AARS2: variants seen among roughly 807,000 people sequenced by gnomAD.
The protein encoded by AARS2 is alanyl-tRNA synthetase 2, mitochondrial, also known as alanine--tRNA ligase, mitochondrial.
A neutral mutation model predicts 119.7 loss-of-function variants in AARS2; 78 were observed. The observed-to-expected ratio is 0.65, with a 90% CI of 0.54 to 0.79. AARS2 has a LOEUF of 0.79. Ranked by LOEUF, AARS2 falls within the 30% of genes least tolerant of loss-of-function variation. The pLI, the probability that AARS2 is intolerant of heterozygous loss-of-function variation, is 0.00. For synonymous variants in AARS2, 502 were observed against 526.3 expected, an observed-to-expected ratio of 0.95 and a Z score of 0.63; for missense variants, 1,157 against 1,291.3, an observed-to-expected ratio of 0.90 and a Z score of 1.59.
chr6:44,313,243 A>G lies in AARS2; in HGVS notation c.81T>C (p.His27=). 1 of 1,582,556 alleles carries G rather than the reference A, an allele frequency of 6.3e-7. No individual in the cohort carries two copies. Among genetic ancestry groups the G allele is most frequent in the Non-Finnish European group, 8.5e-7 (1 of 1,170,038 alleles). Residue 27 remains histidine (H), a synonymous_variant, in exon 1 of 22, where the codon CAT becomes CAC. Transcript: ENST00000244571. ...CAGGGGGCTCCGATGAGAGCGGCCGATGGCTGAGGCCCCGCCATGCGGGCG... is the reference window on the plus strand; with the variant it reads ...CAGGGGGCTCCGATGAGAGCGGCCGGTGGCTGAGGCCCCGCCATGCGGGCG... ...RRSPAWRGLS[H]RPLSSEPPAA...
At position 44,305,623 on chromosome 6, in the gene AARS2, GA is replaced by G. The variant is rs370007761; in HGVS notation, c.1434+29del. On this transcript the variant is annotated intron_variant, in intron 10 of 21. Coordinates refer to ENST00000244571, the MANE Select transcript of AARS2 (RefSeq NM_020745.4). This position sits in a 1 kb window ranked among gnomAD's most constrained non-coding sequence, Gnocchi z 4.6. ...GGGCTGGGGAAGAGGTGTCCTAACA[GA>G]ACCCAGCATGGGGTGCCACAGCTTG... The G allele has an allele frequency of 3.4e-4, 549 of 1,613,208 alleles. 2 individuals carry two copies. In the African/African-American group the frequency reaches 6.1e-3, roughly 18 times the overall value.
rs1785406215 is a variant in AARS2, at chr6:44,302,087, A to T, written c.2571T>A (p.Thr857=). 1 of 1,614,038 alleles carries T rather than the reference A, an allele frequency of 6.2e-7. No individual in the cohort carries two copies. Among genetic ancestry groups the T allele is most frequent in the Non-Finnish European group, 8.5e-7 (1 of 1,180,010 alleles). ...TVKMLQRRAN[T]AIRKLQMGQA... is the part of the protein sequence containing the mutation. ...GTCCCATTTGCAGCTTACGGATGGC[A>T]GTGTTGGCACGCCGCTGCAGCATCT... Residue 857 remains threonine, a synonymous_variant, in exon 19 of 22, where the codon ACT becomes ACA. Coordinates refer to ENST00000244571, the MANE Select transcript of AARS2 (RefSeq NM_020745.4).
chr6:44,308,290 C>T (rs963166535), intron 5 of AARS2, among the ~76,000 whole-genome samples: 13 of 152,150 alleles, frequency 8.5e-5, no homozygotes, highest in Non-Finnish European at 2.9e-5. Flanking sequence ...GTAATCTCAA[C>T]ACTTTGGGAG....
intron 3 of AARS2, 22 bp downstream of exon 3, chr6:44,311,368 C>G: frequency 6.2e-7 from 1 of 1,614,140 alleles, no homozygotes; most frequent in Non-Finnish European, 8.5e-7. Context: ...CAGGAATGAA[C>G]ATAAGAAGGG....
chr6:44,310,151 G>T, intron 5 of AARS2, 148 bp downstream of exon 5: 1 of 1,099,416 alleles, frequency 9.1e-7, no homozygotes, highest in Non-Finnish European at 1.3e-6. Flanking sequence ...ATGAATCCTA[G>T]TGTCTTGCTT....
chr6:44,306,061 G>A (rs1440362282), intron 9 of AARS2, among the ~76,000 whole-genome samples: 1 of 152,198 alleles, frequency 6.6e-6, no homozygotes, highest in African/African-American at 2.4e-5. Flanking sequence ...TAGGAAAGCA[G>A]GAGGCAGGGC....
At position 44,299,229 on chromosome 6, in the gene AARS2, C is replaced by G. The variant is rs949236495; in HGVS notation, c.*1318G>C. Among the ~76,000 whole-genome samples, 2 of 149,732 alleles carry G rather than the reference C, an allele frequency of 1.3e-5. No homozygotes were observed. The highest frequency in any genetic ancestry group is 1.4e-4 in the Admixed American group (2 of 14,814). ...TGATCCCCATTCTCTATTTCCCCCCCAGACCTCATCACCATCTGACACTTT... is the reference window on the plus strand; with the variant it reads ...TGATCCCCATTCTCTATTTCCCCCCGAGACCTCATCACCATCTGACACTTT... On this transcript the variant is annotated 3_prime_UTR_variant, in exon 22 of 22. Transcript: ENST00000244571.
rs1786236380 is a variant in AARS2, at chr6:44,310,303, T to A, written c.890A>T (p.Gln297Leu). The A allele has an allele frequency of 6.3e-7, 1 of 1,597,588 alleles. No individual in the cohort carries two copies. The highest frequency in any genetic ancestry group is 8.5e-7 in the Non-Finnish European group (1 of 1,171,714). Residue 297 changes from glutamine (Q) to leucine (L), a missense_variant, in exon 5 of 22, where the codon CAG becomes CTG. Coordinates refer to ENST00000244571, the MANE Select transcript of AARS2 (RefSeq NM_020745.4). ...DLFSPLLNAI[Q>L]QGCRAPPYLG... ...TGGAAGGGAAGAGGCACTCACCTGC[T>A]GTATGGCGTTGAGCAGCGGGGAAAA...
Position 44,302,908 on chromosome 6 carries a change from T to TGCCTG in AARS2, c.2256-3_2257dup (p.His753ProfsTer10). 3.1e-6 allele frequency: 5 copies of TGCCTG among 1,613,830 alleles called. No homozygotes were observed. The highest frequency in any genetic ancestry group is 4.2e-6 in the Non-Finnish European group (5 of 1,179,916). ...CCCTACAGCCCCAGTACGTAACAGGTGCCTGTGGGAGGAAGGAGTGAACAG... is the reference window on the plus strand; with the variant it reads ...CCCTACAGCCCCAGTACGTAACAGGTGCCTGGCCTGTGGGAGGAAGGAGTGAACAG... On this transcript the variant is annotated frameshift_variant and splice_region_variant, in exon 17 of 22. Coordinates refer to ENST00000244571, the MANE Select transcript of AARS2 (RefSeq NM_020745.4). LOFTEE classifies it high-confidence loss of function.
At position 44,305,774 on chromosome 6, in the gene AARS2, C is replaced by G. The variant is rs1785789795; in HGVS notation, c.1313G>C (p.Trp438Ser). 6.2e-7 allele frequency: 1 copy of G among 1,614,114 alleles called. No individual in the cohort carries two copies. Among genetic ancestry groups the G allele is most frequent in the African/African-American group, 1.3e-5 (1 of 75,036 alleles). The change falls in exon 10 of 22, where the codon TGG becomes TCG. Residue 438 changes from tryptophan to serine, a missense_variant. Physicochemically the swap from Trp to Ser is radical, Grantham distance 177. Coordinates refer to ENST00000244571, the MANE Select transcript of AARS2 (RefSeq NM_020745.4). This position sits in a 1 kb window ranked among gnomAD's most constrained non-coding sequence, Gnocchi z 4.6. Reference sequence around the variant, plus strand: ...CAGGTCTCCACACAGTGACAAGGACCAGGCCACTTCAGCTTTGAGAAAGAA... The same window carrying G: ...CAGGTCTCCACACAGTGACAAGGACGAGGCCACTTCAGCTTTGAGAAAGAA... ...PSDMFPAEVA[W>S]SLSLCGDLGL...
At chr6:44,300,990 G>C (rs930295807) in intron 21 of AARS2, 166 bp downstream of exon 21, 1 of 752,504 alleles carries the variant, frequency 1.3e-6, no homozygotes, top group Non-Finnish European at 2.1e-6. Flanking sequence ...GTGGGGAGGG[G>C]CTGTTTTCAG....
At chr6:44,302,577 C>T (rs1374706488) in intron 17 of AARS2, 64 bp from the exon 18 acceptor site, 1 of 1,608,258 alleles carries the variant, frequency 6.2e-7, no homozygotes, top group South Asian at 1.1e-5. Context: ...CCTCTCAACT[C>T]ATTACTGGTC....
In AARS2 at chr6:44,301,927, CAGG is replaced by C. The variant is rs3831223; in HGVS notation, c.2598+130_2598+132del. The C allele has an allele frequency of 0.18, 154,634 of 881,118 alleles. 14,912 individuals are homozygous for C. The highest frequency in any genetic ancestry group is 0.35 in the East Asian group (13,373 of 37,888). The allele number at this position is 881,118 out of a possible 1,614,324, so 54.6% of individuals were successfully genotyped here. ...GGCCTGGGTGATGGTTCTCAGCTGG[CAGG>C]AGAAGGAAGCTGCCACCACCCCGTC... is the stretch of plus-strand genomic sequence containing the variant. On this transcript the variant is annotated intron_variant, in intron 19 of 21. Transcript: ENST00000244571.
chr6:44,303,199 C>G, intron 15 of AARS2, 24 bp from the exon 16 acceptor site: 1 of 1,613,560 alleles, frequency 6.2e-7, no homozygotes, highest in Non-Finnish European at 8.5e-7. Context: ...GGGACAGGCC[C>G]GTTAACTGCC....
intron 14 of AARS2, among the ~76,000 whole-genome samples, chr6:44,303,694 C>T (rs1034255456): frequency 6.6e-6 from 1 of 152,180 alleles, no homozygotes; most frequent in Non-Finnish European, 1.5e-5. Flanking sequence ...CCACATGGAG[C>T]TTACAAGGGG....
Position 44,313,228 on chromosome 6 carries a change from C to T in AARS2, c.96G>A (p.Ser32=). 6.3e-7 allele frequency: 1 copy of T among 1,596,698 alleles called. No individual in the cohort carries two copies. The highest frequency in any genetic ancestry group is 8.5e-7 in the Non-Finnish European group (1 of 1,175,332). ...CCGAGGCCTTGGCTGCAGGGGGCTC[C>T]GATGAGAGCGGCCGATGGCTGAGGC... ...WRGLSHRPLS[S]EPPAAKASAV... The change falls in exon 1 of 22, where the codon TCG becomes TCA. Residue 32 remains serine, a synonymous_variant. Transcript: ENST00000244571.
At position 44,304,185 on chromosome 6, in the gene AARS2, G is replaced by A. The variant is rs1326644572; in HGVS notation, c.2003C>T (p.Thr668Ile). The change falls in exon 14 of 22, where the codon ACC becomes ATC. Residue 668 changes from threonine to isoleucine, a missense_variant. By Grantham distance (89) the Thr-to-Ile change is moderately conservative (BLOSUM62 -1). Transcript: ENST00000244571. ...GTCTTTCTATGCCGGGCTCACCTGG[G>A]TGGTCACATCCAAGCGCAGCTGCTC... ...NPEQLRLDVTTQTPLTPEQLR... is the reference protein window; with the variant it reads ...NPEQLRLDVTIQTPLTPEQLR... The A allele has an allele frequency of 1.2e-6, 2 of 1,613,500 alleles. No homozygotes were observed. The highest frequency in any genetic ancestry group is 1.7e-5 in the Admixed American group (1 of 60,030).
rs1170657019 is a variant in AARS2 at position 44,306,338 on chromosome 6, C to G, written c.1242G>C (p.Arg414=). The change falls in exon 9 of 22, where the codon CGG becomes CGC. Residue 414 remains arginine (R), a synonymous_variant. Coordinates refer to ENST00000244571, the MANE Select transcript of AARS2 (RefSeq NM_020745.4). ...GAGTCCGATCAATGATCCGCCTACC[C>G]CGCTCCAGGGAGGCCAGGAAGGCTG... ...DEAAFLASLE[R]GRRIIDRTLR... 5.6e-6 allele frequency: 9 copies of G among 1,614,044 alleles called. No individual in the cohort carries two copies. The highest frequency in any genetic ancestry group is 1.7e-5 in the Admixed American group (1 of 60,006).
chr6:44,303,066 G>A lies in AARS2; in HGVS notation c.2255C>T (p.Thr752Met), dbSNP rs1255813698. 4 of 1,613,880 alleles carry A rather than the reference G, an allele frequency of 2.5e-6. No homozygotes were observed. The highest frequency in any genetic ancestry group is 2.2e-5 in the East Asian group (1 of 44,900). ...CAGGCAGCACAAAGGAGTGACTCAC[G>A]TCCCACAGCATAGCTCCACAGAGGT... ...LQTSVELCCG[T>M]HLLRTGAVGD... The change falls in exon 16 of 22, where the codon ACG becomes ATG. Residue 752 changes from threonine to methionine, a missense_variant and splice_region_variant. By Grantham distance (81) the Thr-to-Met change is moderately conservative (BLOSUM62 -1). Transcript: ENST00000244571.
Sources: gnomAD v4.1 joint callset for allele counts (sites outside exome capture counted in the v4.1 genomes callset) on GRCh38, gnomAD v4.1.1 for gene constraint, Gnocchi (gnomAD v3.1) non-coding constraint, MANE v1.5 for transcripts, NCBI Gene and HGNC (gene_info 2026-07-23, HGNC 2026-07-21) for gene names.